The following METTL15 variants were observed in gnomAD, a reference collection of about 807,000 sequenced individuals.
METTL15 encodes methyltransferase 15, mitochondrial 12S rRNA N4-cytidine, also known as 12S rRNA N(4)-cytidine methyltransferase METTL15.
METTL15 carries 34 observed loss-of-function variants against 38.3 expected under a neutral mutation model. That is an observed-to-expected ratio of 0.89 (90% CI 0.68 to 1.18). METTL15 has a LOEUF of 1.18. METTL15 is among the 50% of genes most tolerant of loss of function. METTL15 has a pLI of 0.00. For synonymous variants in METTL15, 162 were observed against 170.9 expected, an observed-to-expected ratio of 0.95 and a Z score of 0.41; for missense variants, 438 against 498.4, an observed-to-expected ratio of 0.88 and a Z score of 1.15.
At chr11:28,277,859 A>C (rs184318234) in intron 4 of METTL15, among the ~76,000 whole-genome samples, 1 of 152,096 alleles carries the variant, frequency 6.6e-6, no homozygotes, top group South Asian at 2.1e-4. Context: ...GATCATATGG[A>C]GGTTGAGTGG....
intron 5 of METTL15, among the ~76,000 whole-genome samples, chr11:28,296,096 C>G (rs1365850251): frequency 6.6e-6 from 1 of 152,066 alleles, no homozygotes; most frequent in Admixed American, 6.6e-5. Flanking sequence ...AAATTACTAT[C>G]TAGACTTGTT....
At chr11:28,447,612 A>G (rs1851085895) in intron 6 of METTL15, among the ~76,000 whole-genome samples, 1 of 151,860 alleles carries the variant, frequency 6.6e-6, no homozygotes, top group Non-Finnish European at 1.5e-5. Flanking sequence ...CTTGATTTTG[A>G]GATTTTAGTT....
At chr11:28,448,415 G>A (rs746509580) in intron 6 of METTL15, among the ~76,000 whole-genome samples, 6 of 152,074 alleles carry the variant, frequency 3.9e-5, no homozygotes, top group African/African-American at 7.2e-5. Flanking sequence ...TAGGATATGC[G>A]AGTGGACAAA....
intron 4 of METTL15, among the ~76,000 whole-genome samples, chr11:28,281,109 G>A (rs1218906202): frequency 6.6e-6 from 1 of 152,060 alleles, no homozygotes; most frequent in African/African-American, 2.4e-5. Flanking sequence ...AGTCTTGAAG[G>A]TGCCTTCCTC....
chr11:28,180,692 A>C (rs1349866602), intron 3 of METTL15, among the ~76,000 whole-genome samples: 3 of 151,832 alleles, frequency 2.0e-5, no homozygotes, highest in Non-Finnish European at 4.4e-5. Context: ...CTGAGATGAC[A>C]AAAAGTGAGG....
chr11:28,323,722 G>T (rs1849544903), intron 6 of METTL15, among the ~76,000 whole-genome samples: 1 of 152,188 alleles, frequency 6.6e-6, no homozygotes, highest in African/African-American at 2.4e-5. Context: ...GTAAGAAGTG[G>T]TGGGGTTCTG....
intron 3 of METTL15, among the ~76,000 whole-genome samples, chr11:28,201,742 T>A (rs1852125421): frequency 6.6e-6 from 1 of 151,566 alleles, no homozygotes; most frequent in Non-Finnish European, 1.5e-5. Flanking sequence ...AGAGACCATA[T>A]CTACTTTGGC....
At chr11:28,177,986 T>G (rs1171140696) in intron 3 of METTL15, among the ~76,000 whole-genome samples, 1 of 151,996 alleles carries the variant, frequency 6.6e-6, no homozygotes, top group African/African-American at 2.4e-5. Flanking sequence ...ATTGCTGATT[T>G]GGTTGGGACT....
At chr11:28,255,671 G>T (rs1431447064) in intron 4 of METTL15, among the ~76,000 whole-genome samples, 1 of 152,116 alleles carries the variant, frequency 6.6e-6, no homozygotes, top group Non-Finnish European at 1.5e-5. Flanking sequence ...ATATTGAATT[G>T]TATCAAATGC....
intron 5 of METTL15, among the ~76,000 whole-genome samples, chr11:28,379,658 A>G (rs1043406611): frequency 1.3e-5 from 2 of 152,174 alleles, no homozygotes; most frequent in South Asian, 2.1e-4. Flanking sequence ...TGTTTCATGT[A>G]CTGATGAGAA....
chr11:28,304,747 T>G (rs1857023590), intron 6 of METTL15, among the ~76,000 whole-genome samples: 1 of 152,106 alleles, frequency 6.6e-6, no homozygotes, highest in Non-Finnish European at 1.5e-5. Flanking sequence ...TAAAATTTAT[T>G]AAGAAATAGT....
At chr11:28,226,631 C>T (rs1047517165) in intron 4 of METTL15, among the ~76,000 whole-genome samples, 3 of 151,986 alleles carry the variant, frequency 2.0e-5, no homozygotes, top group African/African-American at 4.8e-5. Flanking sequence ...GAACTCATAG[C>T]GTCAGGTTTG....
At chr11:28,308,270 GA>G (rs2134019853) in intron 6 of METTL15, among the ~76,000 whole-genome samples, 1 of 152,138 alleles carries the variant, frequency 6.6e-6, no homozygotes, top group African/African-American at 2.4e-5. Context: ...TGTCCTTCGT[GA>G]AACAGAATGA....
chr11:28,366,031 CA>C (rs1430460513), intron 5 of METTL15, among the ~76,000 whole-genome samples: 1 of 152,074 alleles, frequency 6.6e-6, no homozygotes, highest in Admixed American at 6.6e-5. Context: ...GCCTGGGTGA[CA>C]AAGTGAGACT....
chr11:28,387,500 AT>A (rs1353325774), intron 5 of METTL15, among the ~76,000 whole-genome samples: 2 of 152,018 alleles, frequency 1.3e-5, no homozygotes, highest in African/African-American at 2.4e-5. Context: ...TTATAAAAAA[AT>A]AAAAAGCCTG....
In METTL15 at chr11:28,487,874, G is replaced by C. The variant is rs1475681992; in HGVS notation, c.*425-38604G>C. 2.0e-5 allele frequency among the ~76,000 whole-genome samples: 3 copies of C among 152,116 alleles called. No homozygotes were observed. The East Asian group carries it at 5.8e-4, about 29-fold the overall frequency. ...ATCTATAGTTTGGAAGTAAGAAGGAGCAAACATTTACTAAATGGAGGGAAC... is the reference window on the plus strand; with the variant it reads ...ATCTATAGTTTGGAAGTAAGAAGGACCAAACATTTACTAAATGGAGGGAAC... On this transcript the variant is annotated intron_variant and NMD_transcript_variant, in intron 6 of 7. Coordinates refer to the METTL15 transcript ENST00000532947.
At chr11:28,400,065 C>G (rs527789186) in intron 5 of METTL15, among the ~76,000 whole-genome samples, 1 of 151,890 alleles carries the variant, frequency 6.6e-6, no homozygotes, top group Non-Finnish European at 1.5e-5. Context: ...TTCTTCTCCC[C>G]GTCCTCACAT....
chr11:28,409,930 G>C (rs1454866288), intron 5 of METTL15, among the ~76,000 whole-genome samples: 1 of 151,986 alleles, frequency 6.6e-6, no homozygotes, highest in Non-Finnish European at 1.5e-5. Context: ...AATGAAAATG[G>C]AGACATTACA....
intron 5 of METTL15, among the ~76,000 whole-genome samples, chr11:28,294,316 A>G (rs369434058): frequency 7.2e-5 from 11 of 152,312 alleles, no homozygotes; most frequent in African/African-American, 2.6e-4. Flanking sequence ...TGCTAATCCA[A>G]GTGGTATATG....
Sources: allele counts gnomAD v4.1 joint callset (sites outside exome capture counted in the v4.1 genomes callset), GRCh38; gene constraint gnomAD v4.1.1; transcripts MANE v1.5; gene names NCBI Gene and HGNC (gene_info 2026-07-23, HGNC 2026-07-21).